The following PTCH1 variants were observed in gnomAD, a reference collection of about 807,000 sequenced individuals.
The protein encoded by PTCH1 is patched 1, also known as protein patched homolog 1.
In PTCH1, 14 loss-of-function variants were observed where a neutral mutation model predicts 144.6. The observed-to-expected ratio is 0.10, with a 90% confidence interval of 0.06 to 0.15. PTCH1 has a LOEUF of 0.15. Among genes scored for constraint, PTCH1 ranks in the 10% least tolerant of loss-of-function variants. The probability of loss-of-function intolerance (pLI) is 1.00; values close to 1 mark genes in which losing one functional copy is unlikely to be tolerated. For missense variants in PTCH1, 1,623 were observed against 1,948.3 expected, an observed-to-expected ratio of 0.83 and a Z score of 3.14; for synonymous variants, 833 against 793.6, an observed-to-expected ratio of 1.05 and a Z score of -0.83.
intron 15 of PTCH1, among the ~76,000 whole-genome samples, chr9:95,463,841 A>G (rs1489996655): frequency 6.6e-6 from 1 of 152,202 alleles, no homozygotes; most frequent in Non-Finnish European, 1.5e-5. Context: ...AAGTCACCAG[A>G]GGCAGCTGGA....
chr9:95,507,020 CA>C, intron 1 of PTCH1: 5 of 991,168 alleles, frequency 5.0e-6, no homozygotes, highest in Non-Finnish European at 6.0e-6. Context: ...CTGCTCTGTC[CA>C]TCACCCTCGG....
chr9:95,509,316 C>T (rs916944217), upstream of PTCH1, among the ~76,000 whole-genome samples: 17 of 152,196 alleles, frequency 1.1e-4, no homozygotes, highest in African/African-American at 3.9e-4. Context: ...CTCCCGCCCC[C>T]GGGGCTGTCA....
rs1245076183 is a variant in PTCH1 at position 95,508,283 on chromosome 9, G to A, written c.79C>T (p.Pro27Ser). The A allele has an allele frequency of 2.6e-6, 4 of 1,547,764 alleles. No homozygotes were observed. Among genetic ancestry groups the A allele is most frequent in the Non-Finnish European group, 2.6e-6 (3 of 1,150,178 alleles). The change falls in exon 1 of 24, where the codon CCG (proline) becomes TCG (serine). Residue 27 changes from proline to serine, a missense_variant. Pro to Ser is a moderately conservative substitution (Grantham distance 74, BLOSUM62 -1). This residue lies in a region of PTCH1 where 245 missense variants were observed against 240.6 expected (regional missense o/e 1.02). Coordinates refer to ENST00000331920, the MANE Select transcript of PTCH1 (RefSeq NM_000264.5). ...CGTCTGCGCCTCCCGCCTCCAGCCGGCCGTCCCGGGGCACCGATACAGCCG... is the reference window on the plus strand; with the variant it reads ...CGTCTGCGCCTCCCGCCTCCAGCCGACCGTCCCGGGGCACCGATACAGCCG... ...GSGCIGAPGRPAGGGRRRRTG... is the reference protein window; with the variant it reads ...GSGCIGAPGRSAGGGRRRRTG...
At position 95,485,787 on chromosome 9, in the gene PTCH1, G is replaced by C; in HGVS notation, c.482C>G (p.Thr161Ser). 1 of 1,614,158 alleles carries C rather than the reference G, an allele frequency of 6.2e-7. No homozygotes were observed. Among genetic ancestry groups the C allele is most frequent in the Non-Finnish European group, 8.5e-7 (1 of 1,180,026 alleles). ...GACATTAGCACCTTCTTCTTTAGGGGTCTGTATCATGAGTTGAGGATTAAA... is the reference window on the plus strand; with the variant it reads ...GACATTAGCACCTTCTTCTTTAGGGCTCTGTATCATGAGTTGAGGATTAAA... Reference protein sequence around the residue: ...AMFNPQLMIQTPKEEGANVLT... With the variant: ...AMFNPQLMIQSPKEEGANVLT... Residue 161 changes from threonine to serine, a missense_variant, in exon 3 of 24, where the codon ACC becomes AGC. Around this residue, in one of 7 missense-constraint regions of PTCH1, gnomAD observed 245 missense variants for 240.6 expected, o/e 1.02. Transcript: ENST00000331920.
At position 95,468,850 on chromosome 9, in the gene PTCH1, G is replaced by A. The variant is rs1432530307; in HGVS notation, c.2151C>T (p.Asp717=). 1 of 1,614,204 alleles carries A rather than the reference G, an allele frequency of 6.2e-7. No homozygotes were observed. Among genetic ancestry groups the A allele is most frequent in the Non-Finnish European group, 8.5e-7 (1 of 1,180,034 alleles). ...STRDLLSQFS[D]SSLHCLEPPC... ...GGGGCTCGAGGCAGTGGAGGCTGGA[G>A]TCGGAGAACTGGGAGAGCAGGTCCC... Residue 717 remains aspartate, a synonymous_variant, in exon 14 of 24, where the codon GAC becomes GAT. Coordinates refer to ENST00000331920, the MANE Select transcript of PTCH1 (RefSeq NM_000264.5).
rs1176604355 is a variant in PTCH1, at chr9:95,468,832, G to A, written c.2169C>T (p.Leu723=). Residue 723 remains leucine, a synonymous_variant, in exon 14 of 24, where the codon CTC becomes CTT. Transcript: ENST00000331920. ...SQFSDSSLHC[L]EPPCTKWTLS... Reference sequence around the variant, plus strand: ...GTGTCCACTTCGTACAGGGGGGCTCGAGGCAGTGGAGGCTGGAGTCGGAGA... The same window carrying A: ...GTGTCCACTTCGTACAGGGGGGCTCAAGGCAGTGGAGGCTGGAGTCGGAGA... The A allele has an allele frequency of 8.7e-6, 14 of 1,614,040 alleles. No individual in the cohort carries two copies. The highest frequency in any genetic ancestry group is 5.3e-5 in the African/African-American group (4 of 74,914).
At position 95,447,094 on chromosome 9, in the gene PTCH1, C is replaced by T. The variant is rs587778631; in HGVS notation, c.4162G>A (p.Gly1388Arg). ...TVAVHPPPVP[G>R]PGRNPRGGLC... ...CCCCCTCGGGGGTTCCGCCCAGGCC[C>T]AGGGACAGGCGGCGGGTGCACGGCG... is the stretch of plus-strand genomic sequence containing the variant. Residue 1388 changes from glycine (G) to arginine (R), a missense_variant, in exon 23 of 24, where the codon GGG (glycine) becomes AGG (arginine). Physicochemically the swap from Gly to Arg is moderately radical, Grantham distance 125 (BLOSUM62 -2). Coordinates refer to ENST00000331920, the MANE Select transcript of PTCH1 (RefSeq NM_000264.5). 6 of 1,613,682 alleles carry T rather than the reference C, an allele frequency of 3.7e-6. No individual in the cohort carries two copies. Among genetic ancestry groups the T allele is most frequent in the Non-Finnish European group, 5.1e-6 (6 of 1,180,010 alleles).
At chr9:95,512,540 C>CA (rs1844207729), upstream of PTCH1, among the ~76,000 whole-genome samples, 1 of 152,220 alleles carries the variant, frequency 6.6e-6, no homozygotes, top group African/African-American at 2.4e-5. Flanking sequence ...AGGCTGCCCC[C>CA]AATTTGCCTC....
intron 2 of PTCH1, among the ~76,000 whole-genome samples, chr9:95,486,961 G>C (rs768660463): frequency 1.8e-4 from 27 of 152,170 alleles, no homozygotes; most frequent in African/African-American, 5.1e-4. Flanking sequence ...CTGAAAAGCA[G>C]GCCTGCAGCG....
At position 95,469,911 on chromosome 9, in the gene PTCH1, G is replaced by A. The variant is rs1215914099; in HGVS notation, c.1749C>T (p.Phe583=). 1.2e-6 allele frequency: 2 copies of A among 1,613,836 alleles called. No homozygotes were observed. The highest frequency in any genetic ancestry group is 1.3e-5 in the African/African-American group (1 of 74,840). Residue 583 remains phenylalanine, a synonymous_variant, in exon 13 of 24, where the codon TTC becomes TTT. Transcript: ENST00000331920. Reference sequence around the variant, plus strand: ...AAATGAGCAGAACCATGGCAAAATTGAACACCACTACTACCGCTGCCTGGG... The same window carrying A: ...AAATGAGCAGAACCATGGCAAAATTAAACACCACTACTACCGCTGCCTGGG... ...FSLQAAVVVV[F]NFAMVLLIFP...
At chr9:95,452,279 T>G (rs1171018149) in intron 20 of PTCH1, 2 of 152,184 alleles carry the variant, frequency 1.3e-5, no homozygotes, top group African/African-American at 4.8e-5. Flanking sequence ...AACTTCTAGT[T>G]GAAACCCTCT....
chr9:95,488,709 G>C lies in PTCH1; in HGVS notation c.395-2835C>G, dbSNP rs1279495947. On this transcript the variant is annotated intron_variant, in intron 2 of 23. Coordinates refer to ENST00000331920, the MANE Select transcript of PTCH1 (RefSeq NM_000264.5). ...CAAGAGGCATGCTGGTCAGTGAAGG[G>C]AACAGGCAACAGCCAAGCAAAACAA... 5.3e-5 allele frequency among the ~76,000 whole-genome samples: 8 copies of C among 152,310 alleles called. No homozygotes were observed. The South Asian group carries it at 1.2e-3, about 24-fold the overall frequency.
At chr9:95,455,920 C>A (rs1295091122) in intron 19 of PTCH1, among the ~76,000 whole-genome samples, 2 of 152,236 alleles carry the variant, frequency 1.3e-5, no homozygotes, top group Non-Finnish European at 2.9e-5. Flanking sequence ...CCCACCCACA[C>A]ACTCACCACA....
chr9:95,494,601 G>C (rs1842667811), intron 2 of PTCH1, among the ~76,000 whole-genome samples: 1 of 152,206 alleles, frequency 6.6e-6, no homozygotes, highest in African/African-American at 2.4e-5. Context: ...CAGGCAGGCA[G>C]ATGCACACCC....
At position 95,449,107 on chromosome 9, in the gene PTCH1, C is replaced by T. The variant is rs150850039; in HGVS notation, c.3766G>A (p.Val1256Met). The T allele has an allele frequency of 1.7e-4, 280 of 1,614,228 alleles. 3 individuals are homozygous for T. In the African/African-American group the frequency reaches 1.8e-3, roughly 10 times the overall value. Residue 1256 changes from valine to methionine, a missense_variant, in exon 22 of 24, where the codon GTG becomes ATG. Val to Met is a conservative substitution (Grantham distance 21). Around this residue, in one of 7 missense-constraint regions of PTCH1, gnomAD observed 291 missense variants for 287.4 expected, o/e 1.01. Transcript: ENST00000331920. This position sits in a 1 kb window ranked among gnomAD's most constrained non-coding sequence, Gnocchi z 5.3. ...GAGGPAHQVI[V>M]EATENPVFAH... ...AAGACGGGGTTTTCTGTGGCTTCCA[C>T]GATCACTTGGTGGGCAGGGCCTCCC...
At chr9:95,486,871 A>G (rs747293321) in intron 2 of PTCH1, among the ~76,000 whole-genome samples, 7 of 152,226 alleles carry the variant, frequency 4.6e-5, no homozygotes, top group Non-Finnish European at 8.8e-5. Context: ...CCAGGAACCT[A>G]GAGCTCCCCC....
At position 95,447,013 on chromosome 9, in the gene PTCH1, G is replaced by C. The variant is rs1837967897; in HGVS notation, c.4243C>G (p.Pro1415Ala). 6.2e-7 allele frequency: 1 copy of C among 1,614,216 alleles called. No homozygotes were observed. The highest frequency in any genetic ancestry group is 1.6e-4 in the Middle Eastern group (1 of 6,062). The part of the protein sequence containing the change: ...DHGLFEDPHV[P>A]FHVRCERRDS... ...CTCCTCTCACACCGGACGTGGAAAG[G>C]CACGTGGGGGTCCTCAAACAGGCCG... Residue 1415 changes from proline to alanine, a missense_variant, in exon 23 of 24, where the codon CCT becomes GCT. Around this residue, in one of 7 missense-constraint regions of PTCH1, gnomAD observed 291 missense variants for 287.4 expected, o/e 1.01. Transcript: ENST00000331920.
At chr9:95,484,863 C>T (rs924925551) in intron 3 of PTCH1, among the ~76,000 whole-genome samples, 7 of 152,214 alleles carry the variant, frequency 4.6e-5, no homozygotes, top group Non-Finnish European at 7.3e-5. Context: ...TTACTCTACT[C>T]ACAGCATTGT....
rs1843981210 is a variant in PTCH1, at chr9:95,508,925, G to A, written c.-564C>T. Among the ~76,000 whole-genome samples the A allele has an allele frequency of 6.6e-6, 1 of 150,808 alleles. No homozygotes were observed. Among genetic ancestry groups the A allele is most frequent in the Non-Finnish European group, 1.5e-5 (1 of 67,620 alleles). On this transcript the variant is annotated 5_prime_UTR_variant, in exon 1 of 24. The change creates a premature stop within an existing upstream ORF in the 5' untranslated region. Coordinates refer to ENST00000331920, the MANE Select transcript of PTCH1 (RefSeq NM_000264.5). The stretch of plus-strand genomic sequence containing the variant: ...AGGGTGCCCGGCGGGTCTCAGCGCT[G>A]CCGGGCCCGGGCAGCCGCAGCTGCC...
Sources: allele counts gnomAD v4.1 joint callset (sites outside exome capture counted in the v4.1 genomes callset), GRCh38; gene constraint gnomAD v4.1.1; regional missense constraint gnomAD v4.1.1; non-coding constraint Gnocchi (gnomAD v3.1); transcripts MANE v1.5; gene names NCBI Gene and HGNC (gene_info 2026-07-23, HGNC 2026-07-21).